HDAC4: variants seen among roughly 807,000 people sequenced by gnomAD.
The protein encoded by HDAC4 is histone deacetylase 4.
In HDAC4, 16 loss-of-function variants were observed where a neutral mutation model predicts 135.1. The ratio of observed to expected loss-of-function variants is 0.12; its 90% CI spans 0.08 to 0.18. The LOEUF (loss-of-function observed/expected upper bound fraction) is 0.18, where lower values mean the gene tolerates loss of function less well. Among genes scored for constraint, HDAC4 ranks in the 10% least tolerant of loss-of-function variants. The pLI is 1.00. For synonymous variants in HDAC4, 685 were observed against 653.4 expected (o/e 1.05, Z -0.74); for missense variants, 1,143 against 1,511.8 (o/e 0.76, Z 4.05).
chr2:239,092,753 C>A (rs888194822), intron 17 of HDAC4, among the ~76,000 whole-genome samples: 3 of 152,278 alleles, frequency 2.0e-5, no homozygotes, highest in African/African-American at 7.2e-5. Flanking sequence ...CTGGCTCAGG[C>A]GTGCAGCGCC....
chr2:239,350,012 G>A (rs192191009), intron 2 of HDAC4, among the ~76,000 whole-genome samples: 42 of 152,292 alleles, frequency 2.8e-4, no homozygotes, highest in East Asian at 2.7e-3. Context: ...AAACTGAACC[G>A]CAGCGGCTGA....
rs115552422 is a variant in HDAC4, at chr2:239,053,470, C to G, written c.3220G>C (p.Ala1074Pro). ...AGGGCAGGTGCTCACCTCTTTTCGG[C>G]GGGCTTCACGCCCACGGACAGCGAG... is the stretch of plus-strand genomic sequence containing the variant. ...MASLSVGVKP[A>P]EKRPDEEPME... Residue 1074 changes from alanine (A) to proline (P), a missense_variant, in exon 26 of 27, where the codon GCC (alanine) becomes CCC (proline). This residue lies in a region of HDAC4 where 131 missense variants were observed against 130.6 expected (regional missense o/e 1.00). Coordinates refer to ENST00000543185, the MANE Select transcript of HDAC4 (RefSeq NM_001378414.1). The G allele has an allele frequency of 6.2e-7, 1 of 1,612,938 alleles. No homozygotes were observed. Among genetic ancestry groups the G allele is most frequent in the Middle Eastern group, 1.7e-4 (1 of 6,038 alleles).
At chr2:239,124,629 T>C (rs1408791747) in intron 12 of HDAC4, among the ~76,000 whole-genome samples, 2 of 132,656 alleles carry the variant, frequency 1.5e-5, no homozygotes, top group African/African-American at 3.2e-5. Flanking sequence ...CGTGCCGGCA[T>C]GTGGCCGCAC....
At chr2:239,080,997 C>G in intron 22 of HDAC4, 98 bp downstream of exon 22, 2 of 903,576 alleles carry the variant, frequency 2.2e-6, no homozygotes, top group Non-Finnish European at 3.5e-6. Context: ...AGCCACAGAC[C>G]AGTTTCAGAC....
chr2:239,076,812 C>T (rs976423789), intron 22 of HDAC4, among the ~76,000 whole-genome samples: 3 of 152,202 alleles, frequency 2.0e-5, no homozygotes, highest in African/African-American at 7.2e-5. Flanking sequence ...TTCCTGAAAA[C>T]AGACTGAAGC....
chr2:239,277,421 GC>G (rs1559316951), intron 2 of HDAC4, among the ~76,000 whole-genome samples: 1 of 152,194 alleles, frequency 6.6e-6, no homozygotes, highest in East Asian at 1.9e-4. Context: ...AGGTGGACAG[GC>G]CCTGGGCCAC....
intron 24 of HDAC4, among the ~76,000 whole-genome samples, chr2:239,065,854 C>G (rs2033402017): frequency 6.6e-6 from 1 of 152,252 alleles, no homozygotes; most frequent in South Asian, 2.1e-4. Flanking sequence ...GGGGAAGCCA[C>G]CGACTGAGTC....
intron 1 of HDAC4, among the ~76,000 whole-genome samples, chr2:239,357,456 A>T (rs1693564295): frequency 6.6e-6 from 1 of 151,888 alleles, no homozygotes; most frequent in Admixed American, 6.6e-5. Context: ...AAAATAAGAA[A>T]AAAAAAACAG....
chr2:239,099,679 C>T (rs1437954036), intron 16 of HDAC4, among the ~76,000 whole-genome samples: 3 of 152,234 alleles, frequency 2.0e-5, no homozygotes, highest in Admixed American at 6.5e-5. Context: ...CCAGCCCCAG[C>T]GGTGCTCCCC....
intron 25 of HDAC4, 23 bp downstream of exon 25, chr2:239,054,726 G>A (rs758160495): frequency 1.3e-6 from 2 of 1,533,492 alleles, no homozygotes; most frequent in East Asian, 2.3e-5. Flanking sequence ...TGTCCCCTGT[G>A]AGCACCCAGC....
Position 239,115,395 on chromosome 2 carries a change from C to G in HDAC4, c.1534-85G>C. 1 of 1,541,396 alleles carries G rather than the reference C, an allele frequency of 6.5e-7. No individual in the cohort carries two copies. The highest frequency in any genetic ancestry group is 8.9e-7 in the Non-Finnish European group (1 of 1,124,356). ...AGGAGAAGGGATGCTGCAAACCCCACCCTCTGGGGCAGACAATCAGGGACT... is the reference window on the plus strand; with the variant it reads ...AGGAGAAGGGATGCTGCAAACCCCAGCCTCTGGGGCAGACAATCAGGGACT... On this transcript the variant is annotated intron_variant, in intron 12 of 26. Coordinates refer to ENST00000543185, the MANE Select transcript of HDAC4 (RefSeq NM_001378414.1). This position sits in a 1 kb window ranked among gnomAD's most constrained non-coding sequence, Gnocchi z 6.3.
intron 3 of HDAC4, among the ~76,000 whole-genome samples, chr2:239,219,448 A>G (rs1312644380): frequency 6.7e-6 from 1 of 149,886 alleles, no homozygotes; most frequent in Non-Finnish European, 1.5e-5. Flanking sequence ...GAAGGGGAAC[A>G]TCACACACCG....
intron 2 of HDAC4, among the ~76,000 whole-genome samples, chr2:239,290,330 G>A (rs549396608): frequency 4.6e-5 from 7 of 152,118 alleles, no homozygotes; most frequent in Non-Finnish European, 1.0e-4. Context: ...CAGAACCAAC[G>A]GCACGTGACA....
At chr2:239,070,844 T>G (rs1204847301) in intron 22 of HDAC4, among the ~76,000 whole-genome samples, 6 of 152,056 alleles carry the variant, frequency 3.9e-5, no homozygotes. Context: ...AAGACACTTT[T>G]GCAATGGTGA....
intron 2 of HDAC4, among the ~76,000 whole-genome samples, chr2:239,247,872 C>G (rs1306388525): frequency 6.6e-6 from 1 of 152,186 alleles, no homozygotes; most frequent in Non-Finnish European, 1.5e-5. Context: ...GTGGACCACA[C>G]CCTCTCCTCC....
chr2:239,385,550 C>A (rs1418519919), intron 1 of HDAC4, among the ~76,000 whole-genome samples: 1 of 152,230 alleles, frequency 6.6e-6, no homozygotes, highest in African/African-American at 2.4e-5. Context: ...AGCCTCAAGC[C>A]CCCTGCCTGC....
intron 11 of HDAC4, among the ~76,000 whole-genome samples, chr2:239,130,800 C>A (rs930792496): frequency 1.3e-5 from 2 of 152,194 alleles, no homozygotes; most frequent in Non-Finnish European, 2.9e-5. Flanking sequence ...TCTTGGGGGG[C>A]CCTGTCTCTC....
rs1005530945 is a variant in HDAC4 at position 239,103,282 on chromosome 2, C to T, written c.2113-386G>A. Among the ~76,000 whole-genome samples the T allele has an allele frequency of 2.0e-5, 3 of 152,246 alleles. No homozygotes were observed. The East Asian group carries it at 5.8e-4, about 29-fold the overall frequency. On this transcript the variant is annotated intron_variant, in intron 15 of 26. Transcript: ENST00000543185. The stretch of plus-strand genomic sequence containing the variant: ...CCCTCACGTTCAAGGGAAACCCCAG[C>T]CGCGCTCCCGGAGTCTCTGAGCCCC...
intron 18 of HDAC4, among the ~76,000 whole-genome samples, chr2:239,088,381 C>G (rs1245998213): frequency 2.6e-5 from 4 of 152,206 alleles, no homozygotes; most frequent in Non-Finnish European, 5.9e-5. Flanking sequence ...GGACCAGGCT[C>G]AGGAAGGGGC....
Sources: allele counts gnomAD v4.1 joint callset (sites outside exome capture counted in the v4.1 genomes callset), GRCh38; gene constraint gnomAD v4.1.1; regional missense constraint gnomAD v4.1.1; non-coding constraint Gnocchi (gnomAD v3.1); transcripts MANE v1.5; gene names NCBI Gene and HGNC (gene_info 2026-07-23, HGNC 2026-07-21).